The following FANCA variants were observed in gnomAD, a reference collection of about 807,000 sequenced individuals.
FANCA encodes FA complementation group A, also known as Fanconi anemia group A protein.
FANCA carries 236 observed loss-of-function variants against 194.3 expected under a neutral mutation model. The observed-to-expected ratio is 1.21, with a 90% CI of 1.09 to 1.35. The LOEUF is 1.35. Ranked by LOEUF, FANCA falls within the 40% of genes most tolerant of loss-of-function variation. FANCA has a pLI of 0.00. For synonymous variants in FANCA, 1,014 were observed against 715.8 expected, an observed-to-expected ratio of 1.42 and a Z score of -6.65; for missense variants, 2,628 against 1,813.9, an observed-to-expected ratio of 1.45 and a Z score of -8.15.
intron 10 of FANCA, among the ~76,000 whole-genome samples, chr16:89,797,964 G>A (rs1318478007): frequency 6.6e-6 from 1 of 152,132 alleles, no homozygotes; most frequent in Non-Finnish European, 1.5e-5. Context: ...GTCAGTGGTT[G>A]TTACCTGACT....
At chr16:89,761,323 C>T (rs2038944086) in intron 29 of FANCA, among the ~76,000 whole-genome samples, 1 of 150,788 alleles carries the variant, frequency 6.6e-6, no homozygotes, top group Non-Finnish European at 1.5e-5. Flanking sequence ...GGAGGCTGAG[C>T]CAGGAGAATG....
chr16:89,813,393 G>A lies in FANCA; in HGVS notation c.283+1127C>T, dbSNP rs1459674743. Among the ~76,000 whole-genome samples, 4 of 145,532 alleles carry A rather than the reference G, an allele frequency of 2.7e-5. No individual in the cohort carries two copies. The Admixed American group carries it at 2.8e-4, about 10-fold the overall frequency. On this transcript the variant is annotated intron_variant, in intron 3 of 42. Coordinates refer to ENST00000389301, the MANE Select transcript of FANCA (RefSeq NM_000135.4). Reference sequence around the variant, plus strand: ...ACGGCTCTCCAGTCCAGGCAACAGAGTGAGACCCTGTCTGTTAAAAAAAAA... The same window carrying A: ...ACGGCTCTCCAGTCCAGGCAACAGAATGAGACCCTGTCTGTTAAAAAAAAA...
intron 14 of FANCA, among the ~76,000 whole-genome samples, chr16:89,789,084 T>C (rs1428012568): frequency 6.6e-6 from 1 of 151,684 alleles, no homozygotes; most frequent in Non-Finnish European, 1.5e-5. Flanking sequence ...CTGGCACAAA[T>C]CTCTCAGCGC....
intron 6 of FANCA, among the ~76,000 whole-genome samples, chr16:89,807,700 T>C (rs948642728): frequency 4.0e-5 from 6 of 151,404 alleles, no homozygotes; most frequent in African/African-American, 1.5e-4. Context: ...CTGGCTAACA[T>C]GGTGAAACCC....
At position 89,738,900 on chromosome 16, in the gene FANCA, G is replaced by C. The variant is rs745958661; in HGVS notation, c.4242C>G (p.Ser1414Arg). ...LQLIPRCPKK[S>R]FSHVAELLAD... ...ACGTTACCTCTGCCACGTGTGAGAA[G>C]CTCTTTTTCGGGCACCGAGGTATTA... Residue 1414 changes from serine to arginine, a missense_variant, in exon 42 of 43, where the codon AGC becomes AGG. Transcript: ENST00000389301. 3.1e-6 allele frequency: 5 copies of C among 1,614,140 alleles called. No individual in the cohort carries two copies. The African/African-American group carries it at 4.0e-5, about 13-fold the overall frequency.
chr16:89,784,398 C>CAA (rs140174501), intron 15 of FANCA, among the ~76,000 whole-genome samples: 7 of 81,830 alleles, frequency 8.6e-5, no homozygotes, highest in South Asian at 3.9e-4. Context: ...AACAAAAAAA[C>CAA]AAAAAAAAAA....
chr16:89,798,390 G>A (rs1308775404), intron 10 of FANCA: 3 of 1,054,116 alleles, frequency 2.8e-6, no homozygotes, highest in Non-Finnish European at 3.4e-6. Flanking sequence ...CACTGTTTCA[G>A]TAAAAGTACC....
intron 17 of FANCA, among the ~76,000 whole-genome samples, chr16:89,782,442 C>G (rs1033460669): frequency 3.3e-5 from 5 of 151,082 alleles, no homozygotes; most frequent in African/African-American, 9.7e-5. Flanking sequence ...ACCCAGGAGG[C>G]AGAGGTTGCA....
Position 89,739,823 on chromosome 16 carries a change from T to C in FANCA, c.3934+171A>G, listed in dbSNP as rs35696259. On this transcript the variant is annotated intron_variant, in intron 39 of 42. Transcript: ENST00000389301. ...GTCCTGGGGTTGACCAGTGAGCCAG[T>C]AAATTATCTTATTGCTTTAAACAAG... The C allele has an allele frequency of 4.8e-6, 7 of 1,471,640 alleles. No individual in the cohort carries two copies. The African/African-American group carries it at 9.8e-5, about 21-fold the overall frequency. The allele number at this position is 1,471,640 out of a possible 1,614,324, so 91.2% of individuals were successfully genotyped here.
chr16:89,809,457 G>A (rs1356834629), intron 5 of FANCA, among the ~76,000 whole-genome samples: 2 of 151,628 alleles, frequency 1.3e-5, no homozygotes, highest in African/African-American at 2.4e-5. Context: ...GCTCACACCT[G>A]TAATCCCAGC....
rs149957461 is a variant in FANCA at position 89,813,479 on chromosome 16, C to A, written c.283+1041G>T. ...CAGAGTTTTGCTCTTATTGCCCAGG[C>A]TGGAGTGCAATGGAGGGGTCTCGGC... On this transcript the variant is annotated intron_variant, in intron 3 of 42. Transcript: ENST00000389301. 1.2e-3 allele frequency among the ~76,000 whole-genome samples: 186 copies of A among 152,090 alleles called. 1 individual carries two copies. Among genetic ancestry groups the A allele is most frequent in the African/African-American group, 4.2e-3 (175 of 41,506 alleles).
At chr16:89,758,533 G>A in intron 30 of FANCA, 44 bp downstream of exon 30, 1 of 1,605,828 alleles carries the variant, frequency 6.2e-7, no homozygotes, top group Non-Finnish European at 8.5e-7. Flanking sequence ...TATCCTATTA[G>A]TCCTGTCCCT....
At chr16:89,802,834 G>C (rs2040502683) in intron 8 of FANCA, among the ~76,000 whole-genome samples, 1 of 152,198 alleles carries the variant, frequency 6.6e-6, no homozygotes, top group African/African-American at 2.4e-5. Flanking sequence ...ATATGTGGGA[G>C]CTAAAAAGTG....
chr16:89,800,972 G>C (rs946587242), intron 8 of FANCA, among the ~76,000 whole-genome samples: 4 of 149,464 alleles, frequency 2.7e-5, no homozygotes, highest in African/African-American at 1.0e-4. Context: ...GGCGGAGCTT[G>C]CAGTGAACCA....
At chr16:89,791,854 T>A in intron 13 of FANCA, 73 bp downstream of exon 13, 1 of 1,592,116 alleles carries the variant, frequency 6.3e-7, no homozygotes, top group East Asian at 2.2e-5. Flanking sequence ...TCACCCACAG[T>A]CAGCTGGGAC....
At chr16:89,770,364 C>T in intron 24 of FANCA, 105 bp from the exon 25 acceptor site, 1 of 1,164,130 alleles carries the variant, frequency 8.6e-7, no homozygotes, top group Non-Finnish European at 1.3e-6. Context: ...CAAGCTGTTC[C>T]CCAAAACAGT....
intron 10 of FANCA, chr16:89,798,638 G>T: frequency 8.5e-7 from 1 of 1,178,122 alleles, no homozygotes; most frequent in Non-Finnish European, 1.1e-6. Flanking sequence ...CTCAGCTTCC[G>T]CCTCCCGACC....
In FANCA at chr16:89,758,678, A is replaced by C; in HGVS notation, c.2880T>G (p.His960Gln). ...ERQDFHQWAI[H>Q]EHFLPESSAS... ...CCGAGGACTCAGGGAGAAAGTGCTC[A>C]TGGATCGCCCACTGGTGGAAGTCCT... Residue 960 changes from histidine (H) to glutamine (Q), a missense_variant, in exon 30 of 43, where the codon CAT becomes CAG. Coordinates refer to ENST00000389301, the MANE Select transcript of FANCA (RefSeq NM_000135.4). 6.2e-7 allele frequency: 1 copy of C among 1,613,992 alleles called. No homozygotes were observed. The highest frequency in any genetic ancestry group is 8.5e-7 in the Non-Finnish European group (1 of 1,179,886).
intron 36 of FANCA, among the ~76,000 whole-genome samples, chr16:89,743,547 G>T (rs1210757580): frequency 6.6e-6 from 1 of 152,190 alleles, no homozygotes; most frequent in African/African-American, 2.4e-5. Flanking sequence ...AACGAGGCAG[G>T]GCGTGGTGGT....
Sources: allele counts gnomAD v4.1 joint callset (sites outside exome capture counted in the v4.1 genomes callset), GRCh38; gene constraint gnomAD v4.1.1; transcripts MANE v1.5; gene names NCBI Gene and HGNC (gene_info 2026-07-23, HGNC 2026-07-21).